The following LIPI variants were observed in gnomAD, a reference collection of about 807,000 sequenced individuals.
The protein encoded by LIPI is lipase I, also known as lipase member I.
LIPI carries 59 observed loss-of-function variants against 50.6 expected under a neutral mutation model. The ratio of observed to expected loss-of-function variants is 1.16; its 90% confidence interval spans 0.94 to 1.45. The LOEUF is 1.45. Among genes scored for constraint, LIPI ranks in the 40% most tolerant of loss-of-function variants. LIPI has a pLI of 0.00. For missense variants in LIPI, 586 were observed against 536.3 expected (o/e 1.09, Z -0.92); for synonymous variants, 203 against 178.2 (o/e 1.14, Z -1.11).
chr21:14,135,533 T>A (rs893898358), intron 9 of LIPI, among the ~76,000 whole-genome samples: 5 of 152,130 alleles, frequency 3.3e-5, no homozygotes, highest in African/African-American at 1.2e-4. Flanking sequence ...GGCATTGAAT[T>A]CTGTGCTGTT....
At chr21:14,184,745 C>G (rs1163435597) in intron 3 of LIPI, among the ~76,000 whole-genome samples, 1 of 152,142 alleles carries the variant, frequency 6.6e-6, no homozygotes, top group Non-Finnish European at 1.5e-5. Flanking sequence ...ACAAATTGAG[C>G]AAGTGTGGTT....
At chr21:14,123,852 G>A (rs2016951618) in intron 9 of LIPI, among the ~76,000 whole-genome samples, 1 of 152,124 alleles carries the variant, frequency 6.6e-6, no homozygotes. Flanking sequence ...TACCAAAATA[G>A]GCTAGCATTA....
rs778604543 is a variant in LIPI, at chr21:14,189,157, T to G, written c.309A>C (p.Glu103Asp). 2 of 1,614,028 alleles carry G rather than the reference T, an allele frequency of 1.2e-6. No individual in the cohort carries two copies. Among genetic ancestry groups the G allele is most frequent in the African/African-American group, 2.7e-5 (2 of 74,932 alleles). ...LQNFVRILLN[E>D]EDMNVIVVDW... ...CTACTACAATTACATTCATATCTTCTTCATTCAGCAAAATCCTTACGAAGT... is the reference window on the plus strand; with the variant it reads ...CTACTACAATTACATTCATATCTTCGTCATTCAGCAAAATCCTTACGAAGT... Residue 103 changes from glutamate (E) to aspartate (D), a missense_variant, in exon 2 of 10, where the codon GAA (glutamate) becomes GAC (aspartate). Physicochemically the swap from Glu to Asp is conservative, Grantham distance 45. Coordinates refer to ENST00000681601, the MANE Select transcript of LIPI (RefSeq NM_001302998.2).
intron 9 of LIPI, among the ~76,000 whole-genome samples, chr21:14,114,270 C>T (rs919837320): frequency 3.0e-4 from 45 of 152,094 alleles, no homozygotes; most frequent in Middle Eastern, 3.4e-3. Context: ...ATTCAATTAT[C>T]TCCACCAGGT....
intron 9 of LIPI, among the ~76,000 whole-genome samples, chr21:14,124,695 G>C (rs930889443): frequency 1.3e-4 from 20 of 152,188 alleles, no homozygotes; most frequent in African/African-American, 4.8e-4. Context: ...TGCTTTCTTT[G>C]TCCGGGGCTC....
Position 14,165,300 on chromosome 21 carries a change from C to T in LIPI, c.824G>A (p.Cys275Tyr). The change falls in exon 6 of 10, where the codon TGT becomes TAT. Residue 275 changes from cysteine (C) to tyrosine (Y), a missense_variant. Cys to Tyr is a radical substitution (Grantham distance 194, BLOSUM62 -2). Transcript: ENST00000681601. ...ETNCNFISFP[C>Y]RSYKDYKTSL... Reference sequence around the variant, plus strand: ...AGTCTTGTAATCTTTGTATGAACGACAAGGAAATGAAATAAAATTGCAGTT... The same window carrying T: ...AGTCTTGTAATCTTTGTATGAACGATAAGGAAATGAAATAAAATTGCAGTT... The T allele has an allele frequency of 6.2e-7, 1 of 1,612,152 alleles. No homozygotes were observed. The highest frequency in any genetic ancestry group is 8.5e-7 in the Non-Finnish European group (1 of 1,178,756).
In LIPI at chr21:14,141,748, A is replaced by C. The variant is rs189812043; in HGVS notation, c.1295+2875T>G. The stretch of plus-strand genomic sequence containing the variant: ...TTATCCTTGGTTCTTTTTACCGTCC[A>C]TATGAATGGAACTAAATTTCTGTTT... On this transcript the variant is annotated intron_variant, in intron 9 of 9. Transcript: ENST00000681601. Among the ~76,000 whole-genome samples, 3 of 152,294 alleles carry C rather than the reference A, an allele frequency of 2.0e-5. No individual in the cohort carries two copies. The South Asian group carries it at 6.2e-4, about 32-fold the overall frequency.
chr21:14,196,716 C>G lies in LIPI; in HGVS notation c.47-7297G>C, dbSNP rs191998466. On this transcript the variant is annotated intron_variant, in intron 1 of 9. Coordinates refer to ENST00000681601, the MANE Select transcript of LIPI (RefSeq NM_001302998.2). ...TAGTGCACACCTGTGGTCCTGCCTA[C>G]TCAGGAGGCTGAGGTAGGAGGATTG... Among the ~76,000 whole-genome samples the G allele has an allele frequency of 2.8e-3, 420 of 152,134 alleles. 2 individuals carry two copies. Among genetic ancestry groups the G allele is most frequent in the South Asian group, 5.0e-3 (24 of 4,812 alleles).
chr21:14,130,403 A>T (rs1240926903), intron 9 of LIPI, among the ~76,000 whole-genome samples: 1 of 152,148 alleles, frequency 6.6e-6, no homozygotes, highest in African/African-American at 2.4e-5. Flanking sequence ...CTGCCCTTGG[A>T]CCAAGTTCAA....
chr21:14,152,152 G>A (rs2018116948), intron 8 of LIPI, among the ~76,000 whole-genome samples: 1 of 151,242 alleles, frequency 6.6e-6, no homozygotes, highest in Non-Finnish European at 1.5e-5. Flanking sequence ...CCAGGCTGGA[G>A]GGCAGCGGTG....
intron 9 of LIPI, among the ~76,000 whole-genome samples, chr21:14,135,319 C>A (rs60607364): frequency 3.0e-4 from 45 of 151,704 alleles, no homozygotes; most frequent in Middle Eastern, 3.4e-3. Flanking sequence ...AGTATCTACA[C>A]GGAAAAAAAC....
intron 7 of LIPI, among the ~76,000 whole-genome samples, chr21:14,162,666 T>C (rs1448271402): frequency 6.6e-6 from 1 of 151,876 alleles, no homozygotes; most frequent in African/African-American, 2.4e-5. Context: ...CCCAATTCTG[T>C]TTGACAGGAC....
intron 9 of LIPI, among the ~76,000 whole-genome samples, chr21:14,140,156 A>G (rs1029652692): frequency 6.6e-6 from 1 of 152,186 alleles, no homozygotes; most frequent in Non-Finnish European, 1.5e-5. Flanking sequence ...AGAACACTTA[A>G]GAGGCTATTT....
At position 14,167,087 on chromosome 21, in the gene LIPI, C is replaced by T. The variant is rs571690544; in HGVS notation, c.644-636G>A. 2.8e-4 allele frequency among the ~76,000 whole-genome samples: 43 copies of T among 152,276 alleles called. No individual in the cohort carries two copies. The South Asian group carries it at 5.6e-3, about 20-fold the overall frequency. On this transcript the variant is annotated intron_variant, in intron 4 of 9. Transcript: ENST00000681601. ...CCCACACATGGCTCGGAGGGTCCTA[C>T]GCCCACGGAGTCTCACTGATGGCTA...
chr21:14,189,498 A>C, intron 1 of LIPI, 79 bp from the exon 2 acceptor site: 1 of 1,304,692 alleles, frequency 7.7e-7, no homozygotes, highest in East Asian at 2.3e-5. Flanking sequence ...AACAGAATTA[A>C]ATGTGGAGGG....
intron 4 of LIPI, among the ~76,000 whole-genome samples, chr21:14,180,670 G>C (rs1386092745): frequency 6.6e-6 from 1 of 152,142 alleles, no homozygotes; most frequent in East Asian, 1.9e-4. Context: ...TGAGAGGTTT[G>C]GATAACACTA....
chr21:14,166,392 G>T lies in LIPI; in HGVS notation c.703C>A (p.Gln235Lys), dbSNP rs768856555. 1.6e-5 allele frequency: 25 copies of T among 1,608,644 alleles called. No individual in the cohort carries two copies. The South Asian group carries it at 2.4e-4, about 16-fold the overall frequency. Reference sequence around the variant, plus strand: ...AAAATTGATTTAGGACAGCCAGGTTGTTTATTTCCTCCATTTGGATAAAAA... The same window carrying T: ...AAAATTGATTTAGGACAGCCAGGTTTTTTATTTCCTCCATTTGGATAAAAA... ...IDFYPNGGNKQPGCPKSIFSG... is the reference protein window; with the variant it reads ...IDFYPNGGNKKPGCPKSIFSG... The change falls in exon 5 of 10, where the codon CAA (glutamine) becomes AAA (lysine). Residue 235 changes from glutamine to lysine, a missense_variant. Coordinates refer to ENST00000681601, the MANE Select transcript of LIPI (RefSeq NM_001302998.2).
chr21:14,162,534 T>G (rs1053187719), intron 7 of LIPI, among the ~76,000 whole-genome samples: 1 of 151,912 alleles, frequency 6.6e-6, no homozygotes, highest in Admixed American at 6.6e-5. Context: ...TCTATGGCAC[T>G]GCAAAATGTT....
intron 9 of LIPI, among the ~76,000 whole-genome samples, chr21:14,136,914 A>G (rs1477458120): frequency 1.3e-5 from 2 of 152,276 alleles, no homozygotes; most frequent in East Asian, 3.9e-4. Context: ...AAGGAAAGAG[A>G]ACAAGAGTCT....
Sources: gnomAD v4.1 joint callset for allele counts (sites outside exome capture counted in the v4.1 genomes callset) on GRCh38, gnomAD v4.1.1 for gene constraint, MANE v1.5 for transcripts, NCBI Gene and HGNC (gene_info 2026-07-23, HGNC 2026-07-21) for gene names.